Variants in CFAP61 observed in about 807,000 individuals in gnomAD.
The protein encoded by CFAP61 is cilia- and flagella-associated protein 61.
A neutral mutation model predicts 135.6 loss-of-function variants in CFAP61; 107 were observed. That is an observed-to-expected ratio of 0.79 (90% CI 0.67 to 0.93). The LOEUF (loss-of-function observed/expected upper bound fraction) is 0.93. Among genes scored for constraint, CFAP61 ranks in the 40% least tolerant of loss-of-function variants. The pLI is 0.00. For missense variants in CFAP61, 1,507 were observed against 1,556.2 expected, an observed-to-expected ratio of 0.97 and a Z score of 0.53; for synonymous variants, 575 against 578.5, an observed-to-expected ratio of 0.99 and a Z score of 0.09.
chr20:20,327,956 A>C (rs1212715474), intron 25 of CFAP61, among the ~76,000 whole-genome samples: 1 of 152,094 alleles, frequency 6.6e-6, no homozygotes, highest in Non-Finnish European at 1.5e-5. Context: ...CCGGGTGAGC[A>C]CCCACAGTCT....
intron 6 of CFAP61, 80 bp from the exon 7 acceptor site, chr20:20,090,764 G>A (rs967228613): frequency 6.9e-7 from 1 of 1,457,964 alleles, no homozygotes; most frequent in African/African-American, 1.4e-5. Flanking sequence ...CTTAGAACAG[G>A]GTCTGGCACA....
intron 25 of CFAP61, among the ~76,000 whole-genome samples, chr20:20,325,072 G>A (rs2057691966): frequency 6.6e-6 from 1 of 152,112 alleles, no homozygotes; most frequent in Non-Finnish European, 1.5e-5. Context: ...AGGAGTTTGA[G>A]ACCAGCCTGG....
intron 26 of CFAP61, among the ~76,000 whole-genome samples, chr20:20,356,115 C>CTG (rs71198054): frequency 0.91 from 70,580 of 77,444 alleles, 32,922 homozygotes; most frequent in Middle Eastern, 1. Context: ...GGTGGTCACA[C>CTG]TGAGGGGAGG....
At chr20:20,065,075 T>C (rs1158275929) in intron 2 of CFAP61, among the ~76,000 whole-genome samples, 4 of 152,244 alleles carry the variant, frequency 2.6e-5, no homozygotes, top group Admixed American at 2.6e-4. Context: ...GATGTGCCAC[T>C]CAATAAATGG....
At chr20:20,166,364 G>A in intron 11 of CFAP61, 33 bp from the exon 12 acceptor site, 1 of 1,601,652 alleles carries the variant, frequency 6.2e-7, no homozygotes, top group Non-Finnish European at 8.6e-7. Context: ...TTTGCTTGCA[G>A]GGCACTGACA....
At chr20:20,080,331 A>G (rs941401046) in intron 6 of CFAP61, among the ~76,000 whole-genome samples, 4 of 152,086 alleles carry the variant, frequency 2.6e-5, no homozygotes, top group Admixed American at 6.6e-5. Context: ...TTAGAGATCA[A>G]TTTCTTTCTT....
intron 18 of CFAP61, among the ~76,000 whole-genome samples, chr20:20,231,470 G>C (rs1054730855): frequency 1.3e-5 from 2 of 152,150 alleles, no homozygotes; most frequent in Non-Finnish European, 2.9e-5. Context: ...CAGCAGAGCC[G>C]AGGAGCCAGT....
chr20:20,312,920 A>G (rs1172219529), intron 25 of CFAP61, among the ~76,000 whole-genome samples: 2 of 152,196 alleles, frequency 1.3e-5, no homozygotes, highest in Admixed American at 6.5e-5. Context: ...ATGCCAACCA[A>G]CATTTCTTGA....
At position 20,360,554 on chromosome 20, in the gene CFAP61, T is replaced by G; in HGVS notation, c.*144T>G. The G allele has an allele frequency of 1.5e-6, 1 of 667,966 alleles. No homozygotes were observed. Among genetic ancestry groups the G allele is most frequent in the Non-Finnish European group, 2.5e-6 (1 of 392,914 alleles). 41.4% of individuals were successfully genotyped at this position (667,966 alleles called of 1,614,324 possible). A position where few individuals can be genotyped will look rare whatever the true frequency, so the allele number is the denominator to read the frequency against. The stretch of plus-strand genomic sequence containing the variant: ...TTGTTCATTCCTTTCCTTCCCTGAC[T>G]TATGCCTGTAGTTTTCTATCATCCC... On this transcript the variant is annotated 3_prime_UTR_variant, in exon 27 of 27. Transcript: ENST00000245957.
intron 8 of CFAP61, among the ~76,000 whole-genome samples, chr20:20,113,900 C>A (rs938269885): frequency 6.7e-6 from 1 of 149,496 alleles, no homozygotes; most frequent in Non-Finnish European, 1.5e-5. Context: ...AGTCTTTCCA[C>A]CTTGTTTTTT....
At chr20:20,298,862 A>C (rs1005719151) in intron 25 of CFAP61, among the ~76,000 whole-genome samples, 3 of 152,156 alleles carry the variant, frequency 2.0e-5, no homozygotes, top group African/African-American at 7.2e-5. Context: ...CGTTTTGGTA[A>C]GGGAATTCCC....
At chr20:20,311,218 G>T (rs534061909) in intron 25 of CFAP61, among the ~76,000 whole-genome samples, 1 of 152,152 alleles carries the variant, frequency 6.6e-6, no homozygotes, top group Non-Finnish European at 1.5e-5. Context: ...TCTGGAGTTT[G>T]TATTTATATC....
intron 22 of CFAP61, among the ~76,000 whole-genome samples, chr20:20,283,689 A>G (rs2054363634): frequency 6.6e-6 from 1 of 152,232 alleles, no homozygotes; most frequent in South Asian, 2.1e-4. Flanking sequence ...TGTGATAGTA[A>G]TAGAAGTTAA....
chr20:20,308,029 A>T (rs2056583470), intron 25 of CFAP61, among the ~76,000 whole-genome samples: 1 of 152,220 alleles, frequency 6.6e-6, no homozygotes, highest in Admixed American at 6.5e-5. Context: ...TTGCTTTGGA[A>T]CATTGTTTCA....
chr20:20,159,763 G>T (rs111730673), intron 10 of CFAP61, among the ~76,000 whole-genome samples: 5 of 152,320 alleles, frequency 3.3e-5, no homozygotes, highest in African/African-American at 1.2e-4. Context: ...ACATTTTGGA[G>T]AGGCAAAACA....
At chr20:20,283,363 G>A (rs2054339635) in intron 22 of CFAP61, among the ~76,000 whole-genome samples, 1 of 152,012 alleles carries the variant, frequency 6.6e-6, no homozygotes, top group African/African-American at 2.4e-5. Flanking sequence ...ATACTAATAT[G>A]ACCATTCCAT....
At position 20,212,937 on chromosome 20, in the gene CFAP61, T is replaced by C. The variant is rs1167035927; in HGVS notation, c.1932+13035T>C. The stretch of plus-strand genomic sequence containing the variant: ...GTGTTCTAGTTGGAGCAGCAGACAG[T>C]ACACAAACAGACCAGGAGGCACCGT... On this transcript the variant is annotated intron_variant, in intron 17 of 26. Coordinates refer to ENST00000245957, the MANE Select transcript of CFAP61 (RefSeq NM_015585.4). 5.3e-5 allele frequency among the ~76,000 whole-genome samples: 8 copies of C among 152,144 alleles called. No homozygotes were observed. The East Asian group carries it at 1.5e-3, about 29-fold the overall frequency.
At position 20,213,923 on chromosome 20, in the gene CFAP61, C is replaced by A. The variant is rs1460429882; in HGVS notation, c.1932+14021C>A. Among the ~76,000 whole-genome samples the A allele has an allele frequency of 2.0e-5, 3 of 151,748 alleles. No homozygotes were observed. The East Asian group carries it at 5.8e-4, about 29-fold the overall frequency. ...AATCTCTCTCTCTCTCTCTCTCCAC[C>A]CCCTCCCCGCCCCCTCATATGAAGG... On this transcript the variant is annotated intron_variant, in intron 17 of 26. Transcript: ENST00000245957.
chr20:20,343,966 C>T (rs1433973966), intron 26 of CFAP61, among the ~76,000 whole-genome samples: 1 of 152,188 alleles, frequency 6.6e-6, no homozygotes, highest in Non-Finnish European at 1.5e-5. Flanking sequence ...CCAGAAGTGG[C>T]CACGGACCTT....
Sources: allele counts gnomAD v4.1 joint callset (sites outside exome capture counted in the v4.1 genomes callset), GRCh38; gene constraint gnomAD v4.1.1; transcripts MANE v1.5; gene names NCBI Gene and HGNC (gene_info 2026-07-23, HGNC 2026-07-21).